Variants in UBE2E2 observed in about 807,000 individuals in gnomAD.
The protein encoded by UBE2E2 is ubiquitin conjugating enzyme E2 E2, also known as ubiquitin-conjugating enzyme E2 E2.
A neutral mutation model predicts 24.7 loss-of-function variants in UBE2E2; 6 were observed. The observed-to-expected ratio is 0.24, with a 90% CI of 0.13 to 0.48. The LOEUF is 0.48. UBE2E2 is among the 20% of genes least tolerant of loss of function. UBE2E2 has a pLI of 0.99. For missense variants in UBE2E2, 169 were observed against 245.0 expected (o/e 0.69, Z 2.07); for synonymous variants, 104 against 83.6 (o/e 1.24, Z -1.33).
intron 3 of UBE2E2, among the ~76,000 whole-genome samples, chr3:23,300,690 G>A (rs1488298366): frequency 4.6e-5 from 7 of 152,114 alleles, no homozygotes; most frequent in Middle Eastern, 3.2e-3. Context: ...TGGGTAACCC[G>A]ACCTTTCTCT....
At chr3:23,360,287 T>A (rs185366098) in intron 3 of UBE2E2, among the ~76,000 whole-genome samples, 2 of 152,224 alleles carry the variant, frequency 1.3e-5, no homozygotes, top group Admixed American at 6.5e-5. Flanking sequence ...AAAATTCGTT[T>A]TAAAAAAGTC....
intron 3 of UBE2E2, among the ~76,000 whole-genome samples, chr3:23,336,750 T>A (rs555956252): frequency 6.6e-6 from 1 of 152,288 alleles, no homozygotes; most frequent in African/African-American, 2.4e-5. Context: ...TTTAATTGTG[T>A]GTTTGGGGTT....
At chr3:23,536,750 A>C (rs1433166476) in intron 5 of UBE2E2, among the ~76,000 whole-genome samples, 2 of 152,254 alleles carry the variant, frequency 1.3e-5, no homozygotes, top group Non-Finnish European at 2.9e-5. Context: ...TATGGAAGAT[A>C]CTGAGATTGA....
chr3:23,308,396 A>C (rs1699289924), intron 3 of UBE2E2, among the ~76,000 whole-genome samples: 1 of 152,216 alleles, frequency 6.6e-6, no homozygotes, highest in African/African-American at 2.4e-5. Flanking sequence ...CATTGCGAAG[A>C]ATCCATTACA....
At chr3:23,483,295 A>C (rs1248334280) in intron 3 of UBE2E2, among the ~76,000 whole-genome samples, 1 of 152,250 alleles carries the variant, frequency 6.6e-6, no homozygotes, top group Non-Finnish European at 1.5e-5. Context: ...ATAACATTTA[A>C]GTTTGCAGAG....
chr3:23,366,128 C>A (rs1260717454), intron 3 of UBE2E2, among the ~76,000 whole-genome samples: 1 of 152,108 alleles, frequency 6.6e-6, no homozygotes, highest in African/African-American at 2.4e-5. Context: ...CATCTCACAC[C>A]AGTCAGAATG....
At chr3:23,375,661 A>G (rs1476380428) in intron 3 of UBE2E2, among the ~76,000 whole-genome samples, 1 of 152,218 alleles carries the variant, frequency 6.6e-6, no homozygotes, top group East Asian at 1.9e-4. Context: ...CTTTCAAGCC[A>G]TTATTGGATA....
chr3:23,363,388 C>G (rs1488622894), intron 3 of UBE2E2, among the ~76,000 whole-genome samples: 2 of 152,140 alleles, frequency 1.3e-5, no homozygotes, highest in Admixed American at 6.5e-5. Context: ...CGAACTGTAT[C>G]CTCTCTACAG....
At chr3:23,556,140 C>CTTTTTTTTTTTTT in intron 5 of UBE2E2, among the ~76,000 whole-genome samples, 1 of 92,330 alleles carries the variant, frequency 1.1e-5, no homozygotes, top group Non-Finnish European at 2.0e-5. Flanking sequence ...AATATACAAA[C>CTTTTTTTTTTTTT]TTTTTTTTTT....
chr3:23,449,201 G>T (rs1698501079), intron 3 of UBE2E2, among the ~76,000 whole-genome samples: 2 of 152,180 alleles, frequency 1.3e-5, no homozygotes, highest in Non-Finnish European at 2.9e-5. Context: ...CAATGAAAAT[G>T]CTCATTTTGT....
chr3:23,355,444 G>C (rs1695915521), intron 3 of UBE2E2, among the ~76,000 whole-genome samples: 1 of 152,148 alleles, frequency 6.6e-6, no homozygotes, highest in South Asian at 2.1e-4. Flanking sequence ...AAGAAGGGAG[G>C]AGATAACTGT....
chr3:23,566,791 G>A (rs987616156), intron 5 of UBE2E2, among the ~76,000 whole-genome samples: 2 of 152,132 alleles, frequency 1.3e-5, no homozygotes, highest in African/African-American at 4.8e-5. Flanking sequence ...AACATTGAGG[G>A]TCACATGTCA....
intron 3 of UBE2E2, among the ~76,000 whole-genome samples, chr3:23,273,192 T>C (rs1471997334): frequency 6.6e-6 from 1 of 152,114 alleles, no homozygotes; most frequent in African/African-American, 2.4e-5. Flanking sequence ...TAAGAAGCAA[T>C]ATAGTAAATT....
intron 3 of UBE2E2, among the ~76,000 whole-genome samples, chr3:23,462,036 A>G (rs1698814551): frequency 1.3e-5 from 2 of 152,276 alleles, no homozygotes; most frequent in African/African-American, 4.8e-5. Context: ...CCACTATGGA[A>G]TTTATTCTGA....
intron 3 of UBE2E2, among the ~76,000 whole-genome samples, chr3:23,396,664 T>C (rs1282410748): frequency 1.3e-5 from 2 of 152,084 alleles, no homozygotes; most frequent in African/African-American, 4.8e-5. Context: ...TTACTTAACC[T>C]TTCTGTCTCT....
At chr3:23,565,444 CTTTTTTTTTTTT>C (rs574461544) in intron 5 of UBE2E2, among the ~76,000 whole-genome samples, 1 of 46,234 alleles carries the variant, frequency 2.2e-5, no homozygotes, top group African/African-American at 9.4e-5. Flanking sequence ...ATAGGCATGG[CTTTTTTTTTTTT>C]TTTTTTTTTT....
At chr3:23,523,766 T>C (rs1431118673) in intron 4 of UBE2E2, among the ~76,000 whole-genome samples, 1 of 152,116 alleles carries the variant, frequency 6.6e-6, no homozygotes, top group South Asian at 2.1e-4. Flanking sequence ...ATGTTAGTTA[T>C]TGGTGCAGTG....
intron 3 of UBE2E2, among the ~76,000 whole-genome samples, chr3:23,430,658 A>G (rs1332818992): frequency 3.3e-5 from 5 of 152,050 alleles, no homozygotes; most frequent in African/African-American, 1.2e-4. Context: ...AGCTAGGACT[A>G]CAGGCATGTG....
At position 23,589,439 on chromosome 3, in the gene UBE2E2, A is replaced by T. The variant is rs181521253; in HGVS notation, c.509-295A>T. On this transcript the variant is annotated intron_variant, in intron 5 of 5. Transcript: ENST00000396703. This position sits in a 1 kb window ranked among gnomAD's most constrained non-coding sequence, Gnocchi z 4.1. The stretch of plus-strand genomic sequence containing the variant: ...CCCTGTCTCAAAAGAAAAAAAAAAA[A>T]ACCAATACGAGGGGAGCAAGGTGAG... 0.089 allele frequency among the ~76,000 whole-genome samples: 13,463 copies of T among 151,778 alleles called. 805 individuals are homozygous for T. The highest frequency in any genetic ancestry group is 0.27 in the East Asian group (1,398 of 5,130).
Sources: gnomAD v4.1 joint callset for allele counts (sites outside exome capture counted in the v4.1 genomes callset) on GRCh38, gnomAD v4.1.1 for gene constraint, Gnocchi (gnomAD v3.1) non-coding constraint, MANE v1.5 for transcripts, NCBI Gene and HGNC (gene_info 2026-07-23, HGNC 2026-07-21) for gene names.